Variants in NUDT1 observed in about 807,000 individuals in gnomAD.
The protein encoded by NUDT1 is nudix hydrolase 1, also known as oxidized purine nucleoside triphosphate hydrolase.
In NUDT1, 16 loss-of-function variants were observed where a neutral mutation model predicts 11.3. The ratio of observed to expected loss-of-function variants is 1.41; its 90% CI spans 0.96 to 2.15. NUDT1 has a LOEUF of 2.15. Among genes scored for constraint, NUDT1 ranks in the 30% most tolerant of loss-of-function variants. NUDT1 has a pLI of 0.00. For synonymous variants in NUDT1, 101 were observed against 84.4 expected (o/e 1.20, Z -1.08); for missense variants, 234 against 208.4 (o/e 1.12, Z -0.76).
intron 1 of NUDT1, 60 bp from the exon 2 acceptor site, chr7:2,244,503 C>G: frequency 6.8e-7 from 1 of 1,469,408 alleles, no homozygotes; most frequent in South Asian, 1.4e-5. Flanking sequence ...CTCCTGGCCC[C>G]TGGCACGTGC....
intron 2 of NUDT1, chr7:2,249,589 G>T (rs1362109417): frequency 7.7e-6 from 4 of 519,436 alleles, no homozygotes; most frequent in Admixed American, 3.1e-5. Context: ...CTAGAACTGC[G>T]TTCCTCCCAC....
intron 1 of NUDT1, chr7:2,242,567 C>A: frequency 5.7e-6 from 2 of 350,520 alleles, no homozygotes; most frequent in South Asian, 4.7e-5. Context: ...AGTACACGGG[C>A]CTGGTGTGAA....
At chr7:2,242,533 A>T (rs1348663138) in intron 1 of NUDT1, 7 of 390,134 alleles carry the variant, frequency 1.8e-5, no homozygotes, top group African/African-American at 1.5e-4. Context: ...GGCTTCTGGC[A>T]GAAACAGATC....
intron 2 of NUDT1, chr7:2,249,494 C>A: frequency 2.7e-6 from 1 of 371,368 alleles, no homozygotes; most frequent in Non-Finnish European, 5.2e-6. Context: ...AGTCCCAACC[C>A]TGCCACGTGC....
chr7:2,244,902 T>C (rs1057423116), intron 2 of NUDT1, among the ~76,000 whole-genome samples, 176 bp downstream of exon 2: 7 of 152,218 alleles, frequency 4.6e-5, no homozygotes, highest in Non-Finnish European at 1.0e-4. Context: ...CCCTTCGGAC[T>C]CTTGTGAAGA....
chr7:2,246,713 G>T (rs1364703980), intron 2 of NUDT1, among the ~76,000 whole-genome samples: 1 of 152,162 alleles, frequency 6.6e-6, no homozygotes, highest in Non-Finnish European at 1.5e-5. Flanking sequence ...TGAATACAGT[G>T]GTGGCTTGCT....
At chr7:2,246,627 C>T (rs1228733504) in intron 2 of NUDT1, among the ~76,000 whole-genome samples, 1 of 152,176 alleles carries the variant, frequency 6.6e-6, no homozygotes, top group Admixed American at 6.5e-5. Context: ...AACTTTGTCA[C>T]GGTCGAAGGA....
intron 1 of NUDT1, among the ~76,000 whole-genome samples, chr7:2,244,317 C>T (rs993042561): frequency 1.8e-4 from 28 of 152,252 alleles, no homozygotes; most frequent in African/African-American, 6.3e-4. Context: ...GAAGGTAGCG[C>T]CGGCCTCTGC....
intron 2 of NUDT1, among the ~76,000 whole-genome samples, chr7:2,247,592 C>T (rs1287698754): frequency 2.0e-5 from 3 of 152,218 alleles, no homozygotes; most frequent in Admixed American, 6.5e-5. Flanking sequence ...GACGCTGCAC[C>T]ACCCTGTGTT....
At chr7:2,244,422 A>T in intron 1 of NUDT1, 141 bp from the exon 2 acceptor site, 1 of 806,038 alleles carries the variant, frequency 1.2e-6, no homozygotes, top group Non-Finnish European at 1.9e-6. Flanking sequence ...AAGGGAAGCC[A>T]CACGTGGCAG....
At chr7:2,246,905 C>A (rs1168826994) in intron 2 of NUDT1, among the ~76,000 whole-genome samples, 1 of 152,122 alleles carries the variant, frequency 6.6e-6, no homozygotes, top group East Asian at 1.9e-4. Flanking sequence ...GCGTGAGCCA[C>A]CGTGCCCAGC....
intron 1 of NUDT1, chr7:2,243,071 C>T (rs1372414496): frequency 4.2e-6 from 3 of 714,380 alleles, no homozygotes; most frequent in Non-Finnish European, 7.8e-6. Context: ...TGGAGTCGGG[C>T]TGCTGAGCAG....
chr7:2,246,241 G>A (rs543091847), intron 2 of NUDT1, among the ~76,000 whole-genome samples: 29 of 152,352 alleles, frequency 1.9e-4, no homozygotes, highest in Admixed American at 9.8e-4. Flanking sequence ...GAACAGGTCA[G>A]TCCCTGCCTC....
chr7:2,244,495 C>A, intron 1 of NUDT1, 68 bp from the exon 2 acceptor site: 1 of 1,361,694 alleles, frequency 7.3e-7, no homozygotes, highest in Non-Finnish European at 9.9e-7. Flanking sequence ...TCCCCTTCCT[C>A]CTGGCCCCTG....
At chr7:2,245,039 A>T (rs1057047549) in intron 2 of NUDT1, among the ~76,000 whole-genome samples, 2 of 152,168 alleles carry the variant, frequency 1.3e-5, no homozygotes, top group African/African-American at 4.8e-5. Flanking sequence ...GCCTCTGTGC[A>T]GCAGCTTGAA....
chr7:2,246,993 T>C (rs1794791895), intron 2 of NUDT1, among the ~76,000 whole-genome samples: 1 of 151,102 alleles, frequency 6.6e-6, no homozygotes, highest in African/African-American at 2.4e-5. Flanking sequence ...TGGGGGACAC[T>C]GGAGCCAGAC....
chr7:2,243,855 G>A (rs775936323), intron 1 of NUDT1, among the ~76,000 whole-genome samples: 10 of 151,996 alleles, frequency 6.6e-5, no homozygotes, highest in Admixed American at 1.3e-4. Flanking sequence ...CGGAGGCATC[G>A]CCCTCAGAGT....
rs1794918669 is a variant in NUDT1, at chr7:2,249,959, C to T, written c.255C>T (p.Val85=). 6.2e-7 allele frequency: 1 copy of T among 1,614,098 alleles called. No individual in the cohort carries two copies. Among genetic ancestry groups the T allele is most frequent in the Non-Finnish European group, 8.5e-7 (1 of 1,180,040 alleles). The part of the protein sequence containing the change: ...VGEPELMDVH[V]FCTDSIQGTP... Reference sequence around the variant, plus strand: ...AGCCTGAGCTCATGGACGTGCATGTCTTCTGCACAGACAGCATCCAGGGGA... The same window carrying T: ...AGCCTGAGCTCATGGACGTGCATGTTTTCTGCACAGACAGCATCCAGGGGA... Residue 85 remains valine, a synonymous_variant, in exon 3 of 4, where the codon GTC becomes GTT. Coordinates refer to ENST00000356714, the MANE Select transcript of NUDT1 (RefSeq NM_002452.4).
intron 2 of NUDT1, among the ~76,000 whole-genome samples, chr7:2,246,279 C>G (rs937764796): frequency 2.6e-5 from 4 of 152,142 alleles, no homozygotes; most frequent in African/African-American, 9.7e-5. Context: ...ATCTGGCTGC[C>G]GGGTTCAGGA....
Sources: allele counts gnomAD v4.1 joint callset (sites outside exome capture counted in the v4.1 genomes callset), GRCh38; gene constraint gnomAD v4.1.1; transcripts MANE v1.5; gene names NCBI Gene and HGNC (gene_info 2026-07-23, HGNC 2026-07-21).